Variants in HEBP1 observed in about 807,000 individuals in gnomAD.
The protein encoded by HEBP1 is heme binding protein 1.
A neutral mutation model predicts 20.4 loss-of-function variants in HEBP1; 13 were observed. That is an observed-to-expected ratio of 0.64 (90% CI 0.42 to 1.01). The LOEUF (loss-of-function observed/expected upper bound fraction) is 1.01. Among genes scored for constraint, HEBP1 ranks in the 50% least tolerant of loss-of-function variants. HEBP1 has a pLI of 0.00. For synonymous variants in HEBP1, 92 were observed against 90.7 expected (o/e 1.01, Z -0.08); for missense variants, 241 against 247.3 (o/e 0.97, Z 0.17).
chr12:12,985,142 C>T (rs1409629909), intron 3 of HEBP1, among the ~76,000 whole-genome samples: 5 of 148,842 alleles, frequency 3.4e-5, no homozygotes, highest in Admixed American at 1.3e-4. Context: ...AGAGAGACTC[C>T]GTTGGAAAAA....
Position 12,996,091 on chromosome 12 carries a change from A to G in HEBP1, c.78+3946T>C, listed in dbSNP as rs1864285449. ...CTGATCATAACAATTAACCTAACAGAGTACTTTCTATTTGTCTGGTGTTAT... is the reference window on the plus strand; with the variant it reads ...CTGATCATAACAATTAACCTAACAGGGTACTTTCTATTTGTCTGGTGTTAT... On this transcript the variant is annotated intron_variant, in intron 1 of 3. Transcript: ENST00000014930. The surrounding 1 kb of genome is among the most constrained non-coding windows in gnomAD (Gnocchi z 4.1). Among the ~76,000 whole-genome samples the G allele has an allele frequency of 6.6e-6, 1 of 152,216 alleles. No individual in the cohort carries two copies. Among genetic ancestry groups the G allele is most frequent in the Admixed American group, 6.5e-5 (1 of 15,280 alleles).
At chr12:12,984,267 A>G (rs1403241676) in intron 3 of HEBP1, 1 of 154,930 alleles carries the variant, frequency 6.5e-6, no homozygotes, top group Non-Finnish European at 1.4e-5. Flanking sequence ...TAAAAGAAGA[A>G]GGAGAAACAG....
intron 2 of HEBP1, among the ~76,000 whole-genome samples, chr12:12,987,612 T>TCTCTTTC (rs1230851526): frequency 3.1e-4 from 36 of 117,832 alleles, no homozygotes; most frequent in Middle Eastern, 4.5e-3. Context: ...CTCTCTCTCT[T>TCTCTTTC]TCTCTCTCTC....
At chr12:12,987,590 T>TTCTCCCTCTCTCTCTC in intron 2 of HEBP1, among the ~76,000 whole-genome samples, 1 of 133,212 alleles carries the variant, frequency 7.5e-6, no homozygotes, top group African/African-American at 2.9e-5. Flanking sequence ...ATCAGTCTCT[T>TTCTCCCTCTCTCTCTC]TCTCTCTCTC....
rs543123206 is a variant in HEBP1, at chr12:12,976,090, A to C, written c.399-611T>G. Among the ~76,000 whole-genome samples the C allele has an allele frequency of 1.8e-4, 28 of 151,754 alleles. No homozygotes were observed. The East Asian group carries it at 1.9e-3, about 10-fold the overall frequency. On this transcript the variant is annotated intron_variant, in intron 3 of 3. Transcript: ENST00000014930. ...AAGACCCTGTGTCAAAAAAAAAAAA[A>C]AAAAAAAAACAAACCAAAAACCAAA...
intron 3 of HEBP1, chr12:12,978,894 A>G (rs1592398746): frequency 6.6e-6 from 1 of 152,232 alleles, no homozygotes; most frequent in Admixed American, 6.5e-5. Flanking sequence ...CATTCATGCA[A>G]CAATTATTAT....
chr12:12,995,766 C>T (rs963994830), intron 1 of HEBP1, among the ~76,000 whole-genome samples: 1 of 152,240 alleles, frequency 6.6e-6, no homozygotes, highest in Non-Finnish European at 1.5e-5. Flanking sequence ...TAAAATTTAA[C>T]ATCTTTAGTG....
intron 3 of HEBP1, chr12:12,979,294 A>G (rs1281390785): frequency 6.6e-6 from 1 of 152,284 alleles, no homozygotes; most frequent in East Asian, 1.9e-4. Context: ...AATGCTGGTA[A>G]TGCAGATAAA....
chr12:12,999,804 G>T (rs114593878), intron 1 of HEBP1, among the ~76,000 whole-genome samples: 1 of 152,228 alleles, frequency 6.6e-6, no homozygotes. Flanking sequence ...CCTTGGATCA[G>T]TCTCTCCTGT....
intron 1 of HEBP1, among the ~76,000 whole-genome samples, chr12:12,995,320 G>C (rs1864276586): frequency 6.6e-6 from 1 of 152,134 alleles, no homozygotes; most frequent in African/African-American, 2.4e-5. Context: ...GCCCCACAGG[G>C]TAAGGACTGT....
At chr12:12,981,254 G>A (rs1156932905) in intron 3 of HEBP1, among the ~76,000 whole-genome samples, 1 of 152,170 alleles carries the variant, frequency 6.6e-6, no homozygotes, top group Non-Finnish European at 1.5e-5. Context: ...CTGATTTTGC[G>A]TGGAAATCTG....
At chr12:12,987,619 T>TCTCTCTCTCTCTCTCTTTCTCTCTCTCG (rs1864170584) in intron 2 of HEBP1, among the ~76,000 whole-genome samples, 8 of 150,196 alleles carry the variant, frequency 5.3e-5, no homozygotes, top group Non-Finnish European at 1.0e-4. Flanking sequence ...TCTTTCTCTC[T>TCTCTCTCTCTCTCTCTTTCTCTCTCTCG]CTCTCTCTCT....
At chr12:12,985,346 G>A (rs944448848) in intron 3 of HEBP1, among the ~76,000 whole-genome samples, 1 of 152,148 alleles carries the variant, frequency 6.6e-6, no homozygotes, top group African/African-American at 2.4e-5. Flanking sequence ...AGGGCTGGGT[G>A]AATGCTGTGA....
At chr12:12,981,705 A>C (rs1407964792) in intron 3 of HEBP1, among the ~76,000 whole-genome samples, 2 of 152,178 alleles carry the variant, frequency 1.3e-5, no homozygotes, top group East Asian at 3.8e-4. Context: ...TAGACACCTA[A>C]AATAGTTCCT....
intron 2 of HEBP1, among the ~76,000 whole-genome samples, chr12:12,988,717 G>T (rs983861605): frequency 2.6e-5 from 4 of 152,132 alleles, no homozygotes; most frequent in African/African-American, 9.7e-5. Flanking sequence ...GAGACTTCAG[G>T]CTTATCATTT....
chr12:12,983,491 C>A, intron 3 of HEBP1: 2 of 309,794 alleles, frequency 6.5e-6, no homozygotes, highest in Middle Eastern at 5.6e-4. Context: ...TCATTGAATG[C>A]ACTCACTGCA....
intron 1 of HEBP1, among the ~76,000 whole-genome samples, chr12:12,991,851 A>G (rs1436573226): frequency 6.6e-6 from 1 of 152,218 alleles, no homozygotes; most frequent in East Asian, 1.9e-4. Context: ...GAAGAAGGAA[A>G]GTTGGTCTAT....
At chr12:12,976,702 A>G (rs1184663872) in intron 3 of HEBP1, among the ~76,000 whole-genome samples, 2 of 152,210 alleles carry the variant, frequency 1.3e-5, no homozygotes, top group Non-Finnish European at 2.9e-5. Flanking sequence ...GACAACAGCT[A>G]CAGAACATGG....
chr12:12,977,162 C>T (rs182685818), intron 3 of HEBP1, among the ~76,000 whole-genome samples: 36 of 152,322 alleles, frequency 2.4e-4, no homozygotes, highest in African/African-American at 8.7e-4. Flanking sequence ...GCTGCCCTTT[C>T]TAGGTCTTAA....
Sources: gnomAD v4.1 joint callset for allele counts (sites outside exome capture counted in the v4.1 genomes callset) on GRCh38, gnomAD v4.1.1 for gene constraint, Gnocchi (gnomAD v3.1) non-coding constraint, MANE v1.5 for transcripts, NCBI Gene and HGNC (gene_info 2026-07-23, HGNC 2026-07-21) for gene names.